The following SPG7 variants were observed in gnomAD, a reference collection of about 807,000 sequenced individuals.
SPG7 encodes the protein SPG7 matrix AAA peptidase subunit, paraplegin, also known as mitochondrial inner membrane m-AAA protease component paraplegin.
A neutral mutation model predicts 81.9 loss-of-function variants in SPG7; 103 were observed. The observed-to-expected ratio is 1.26, with a 90% CI of 1.07 to 1.48. SPG7 has a LOEUF of 1.48. Ranked by LOEUF, SPG7 falls within the 40% of genes most tolerant of loss-of-function variation. The probability of loss-of-function intolerance (pLI) is 0.00; values close to 1 mark genes in which losing one functional copy is unlikely to be tolerated. For missense variants in SPG7, 1,241 were observed against 1,087.3 expected, an observed-to-expected ratio of 1.14 and a Z score of -1.99; for synonymous variants, 534 against 444.2, an observed-to-expected ratio of 1.20 and a Z score of -2.54.
intron 5 of SPG7, 190 bp downstream of exon 5, chr16:89,526,658 G>T (rs769711351): frequency 9.8e-6 from 6 of 615,110 alleles, no homozygotes; most frequent in Non-Finnish European, 1.7e-5. Flanking sequence ...TTATCCCTGG[G>T]TATCCATGGG....
At chr16:89,523,433 T>G (rs1597619746) in intron 3 of SPG7, 1 of 331,382 alleles carries the variant, frequency 3.0e-6, no homozygotes, top group Non-Finnish European at 5.9e-6. Flanking sequence ...TGGTAAAAGG[T>G]ATTTGTTTTA....
chr16:89,530,422 G>A, intron 6 of SPG7: 2 of 512,066 alleles, frequency 3.9e-6, no homozygotes, highest in Non-Finnish European at 7.1e-6. Flanking sequence ...AGGATTACAG[G>A]CGTGAGCCAC....
At chr16:89,508,703 G>C (rs2057966186) in intron 1 of SPG7, 103 bp downstream of exon 1, 2 of 1,214,334 alleles carry the variant, frequency 1.6e-6, no homozygotes, top group Admixed American at 2.2e-5. Context: ...TGCGGCGGGG[G>C]AGCCTGCGCC....
chr16:89,524,289 A>G (rs367725656), intron 4 of SPG7, 42 bp downstream of exon 4: 16 of 1,583,594 alleles, frequency 1.0e-5, no homozygotes, highest in Non-Finnish European at 1.2e-5. Context: ...GGGTGTGGGC[A>G]CAGGCTGGCA....
chr16:89,514,940 T>C (rs1056453569), intron 3 of SPG7, among the ~76,000 whole-genome samples: 13 of 147,392 alleles, frequency 8.8e-5, no homozygotes, highest in African/African-American at 3.3e-4. Flanking sequence ...TTGACCTTTT[T>C]TTTTTTTTTT....
chr16:89,535,541 A>G (rs1235301449), intron 9 of SPG7, among the ~76,000 whole-genome samples: 1 of 152,220 alleles, frequency 6.6e-6, no homozygotes, highest in African/African-American at 2.4e-5. Flanking sequence ...CGAGACCTGA[A>G]TGGCTGCCTT....
In SPG7 at chr16:89,531,052, G is replaced by A. The variant is rs568406086; in HGVS notation, c.987+244G>A. The A allele has an allele frequency of 2.3e-5, 14 of 599,364 alleles. 1 individual carries two copies. The highest frequency in any genetic ancestry group is 1.3e-4 in the African/African-American group (7 of 54,210). 37.1% of individuals were successfully genotyped at this position (599,364 alleles called of 1,614,324 possible). ...ACCCATGCCTACTGTGCCGTTAGCC[G>A]TCCTGGGCCCTTCATCCCTTGCAAA... On this transcript the variant is annotated intron_variant, in intron 7 of 16. Coordinates refer to ENST00000645818, the MANE Select transcript of SPG7 (RefSeq NM_003119.4).
intron 10 of SPG7, chr16:89,545,739 G>A (rs1000938732): frequency 3.2e-6 from 1 of 308,242 alleles, no homozygotes; most frequent in Non-Finnish European, 6.3e-6. Flanking sequence ...TTTACATCAG[G>A]ATTTAGACGC....
chr16:89,534,787 G>A (rs2058390203), intron 9 of SPG7, among the ~76,000 whole-genome samples: 1 of 152,252 alleles, frequency 6.6e-6, no homozygotes, highest in Non-Finnish European at 1.5e-5. Flanking sequence ...TACATGGTCT[G>A]CAGGTTCGGA....
chr16:89,532,040 GC>G lies in SPG7; in HGVS notation c.1127del (p.Pro376GlnfsTer63). ...CAGGTGCCCTTCCTGGCGATGGCCG[GC>G]CCAGAGTTCGTGGAGGTCATTGGAG... Reference protein sequence around the residue: ...EAQVPFLAMAGPEFVEVIGGL... With the variant: ...EAQVPFLAMAXPEFVEVIGGL... On this transcript the variant is annotated frameshift_variant, in exon 8 of 17. Coordinates refer to ENST00000645818, the MANE Select transcript of SPG7 (RefSeq NM_003119.4). LOFTEE classifies it high-confidence loss of function. 1 of 1,613,178 alleles carries G rather than the reference GC, an allele frequency of 6.2e-7. No individual in the cohort carries two copies. The highest frequency in any genetic ancestry group is 1.1e-5 in the South Asian group (1 of 91,048).
intron 9 of SPG7, chr16:89,539,498 C>T (rs918477798): frequency 1.3e-5 from 2 of 152,114 alleles, no homozygotes; most frequent in African/African-American, 4.8e-5. Context: ...GAAACTCCTT[C>T]TCAAAAAAAC....
rs1320656317 is a variant in SPG7, at chr16:89,556,983, C to T, written c.2278C>T (p.Pro760Ser). 2.5e-6 allele frequency: 4 copies of T among 1,613,894 alleles called. No homozygotes were observed. The African/African-American group carries it at 4.0e-5, about 16-fold the overall frequency. ...PPHGPKKMIA[P>S]QRWIDAQREK... is the part of the protein sequence containing the mutation. ...CCATGGGCCGAAGAAAATGATCGCA[C>T]CGCAGAGGTGGATCGACGCCCAGAG... The change falls in exon 17 of 17, where the codon CCG becomes TCG. Residue 760 changes from proline (P) to serine (S), a missense_variant. Transcript: ENST00000645818.
At position 89,550,487 on chromosome 16, in the gene SPG7, C is replaced by G; in HGVS notation, c.1664-7C>G. ...CGCGCCCAACTCATACCCCGGCATT[C>G]TTTCAGGGACTGCCAAAAAGAGCAA... On this transcript the variant is annotated splice_region_variant and splice_polypyrimidine_tract_variant and intron_variant, in intron 12 of 16. Coordinates refer to ENST00000645818, the MANE Select transcript of SPG7 (RefSeq NM_003119.4). 1.2e-6 allele frequency: 2 copies of G among 1,608,886 alleles called. No individual in the cohort carries two copies. The highest frequency in any genetic ancestry group is 1.7e-6 in the Non-Finnish European group (2 of 1,176,014).
chr16:89,546,872 G>T, intron 11 of SPG7, 112 bp downstream of exon 11: 1 of 762,002 alleles, frequency 1.3e-6, no homozygotes, highest in South Asian at 1.4e-5. Context: ...TCCTTCTCTG[G>T]GGGCCTCTGC....
chr16:89,524,569 G>A (rs545490599), intron 4 of SPG7, among the ~76,000 whole-genome samples: 2 of 151,910 alleles, frequency 1.3e-5, no homozygotes, highest in Admixed American at 1.3e-4. Context: ...TCAGCCTCCC[G>A]GGTAGCTGGG....
rs746209986 is a variant in SPG7 at position 89,526,450 on chromosome 16, G to A, written c.740G>A (p.Arg247Gln). ...GACAGGATCCCAGTTTCCTACAAGC[G>A]AACAGGATTCTTTGGAAAGTATGTT... is the stretch of plus-strand genomic sequence containing the variant. ...AKDRIPVSYKRTGFFGNALYS... is the reference protein window; with the variant it reads ...AKDRIPVSYKQTGFFGNALYS... Residue 247 changes from arginine to glutamine, a missense_variant, in exon 5 of 17, where the codon CGA (arginine) becomes CAA (glutamine). Physicochemically the swap from Arg to Gln is conservative, Grantham distance 43. Transcript: ENST00000645818. 2.4e-5 allele frequency: 38 copies of A among 1,614,062 alleles called. No homozygotes were observed. The highest frequency in any genetic ancestry group is 3.1e-5 in the Non-Finnish European group (36 of 1,180,044).
At chr16:89,524,385 G>C in intron 4 of SPG7, 138 bp downstream of exon 4, 1 of 967,826 alleles carries the variant, frequency 1.0e-6, no homozygotes, top group Non-Finnish European at 1.5e-6. Context: ...GTGATTGAGG[G>C]CATGCTTCTT....
At position 89,532,858 on chromosome 16, in the gene SPG7, C is replaced by T. The variant is rs144030383; in HGVS notation, c.1324+222C>T. The T allele has an allele frequency of 1.4e-3, 799 of 561,144 alleles. 5 individuals are homozygous for T. Among genetic ancestry groups the T allele is most frequent in the African/African-American group, 0.014 (719 of 53,150 alleles). The allele number at this position is 561,144 out of a possible 1,614,324, so 34.8% of individuals were successfully genotyped here. On this transcript the variant is annotated intron_variant, in intron 9 of 16. Coordinates refer to ENST00000645818, the MANE Select transcript of SPG7 (RefSeq NM_003119.4). ...CAGCACTTTGGGAGGCCAAGACAGG[C>T]GGATCACCAGAGGTCAGGATTTCAT...
chr16:89,529,842 CTTTTCTTTTT>C (rs1261122802), intron 6 of SPG7: 1 of 515,708 alleles, frequency 1.9e-6, no homozygotes, highest in Non-Finnish European at 3.5e-6. Flanking sequence ...CTGCGTTTTT[CTTTTCTTTTT>C]TTTTGAGACG....
Sources: allele counts gnomAD v4.1 joint callset (sites outside exome capture counted in the v4.1 genomes callset), GRCh38; gene constraint gnomAD v4.1.1; transcripts MANE v1.5; gene names NCBI Gene and HGNC (gene_info 2026-07-23, HGNC 2026-07-21).